Variants in LRBA observed in about 807,000 individuals in gnomAD.
LRBA encodes the protein lipopolysaccharide-responsive and beige-like anchor protein.
LRBA carries 176 observed loss-of-function variants against 330.0 expected under a neutral mutation model. That is an observed-to-expected ratio of 0.53 (90% CI 0.47 to 0.60). The LOEUF is 0.60. Ranked by LOEUF, LRBA falls within the 20% of genes least tolerant of loss-of-function variation. The pLI is 0.00. For missense variants in LRBA, 3,259 were observed against 3,444.8 expected (o/e 0.95, Z 1.35); for synonymous variants, 1,230 against 1,193.0 (o/e 1.03, Z -0.64).
Position 150,929,008 on chromosome 4 carries a change from T to C in LRBA, c.274A>G (p.Ile92Val), listed in dbSNP as rs1734175972. 8 of 1,613,672 alleles carry C rather than the reference T, an allele frequency of 5.0e-6. No individual in the cohort carries two copies. The highest frequency in any genetic ancestry group is 6.8e-6 in the Non-Finnish European group (8 of 1,179,952). Residue 92 changes from isoleucine to valine, a missense_variant, in exon 3 of 57, where the codon ATT becomes GTT. Ile to Val is a conservative substitution (Grantham distance 29, BLOSUM62 3). Coordinates refer to ENST00000651943, the MANE Select transcript of LRBA (RefSeq NM_001364905.1). ...TCCAGTAGGTCCACCATGCAGTTAA[T>C]ACTCTCACCTTCTTGGATAATGAAA... The part of the protein sequence containing the change: ...MNFIIQEGES[I>V]NCMVDLLEKC...
intron 46 of LRBA, among the ~76,000 whole-genome samples, chr4:150,429,381 T>C (rs569836034): frequency 6.6e-6 from 1 of 151,744 alleles, no homozygotes; most frequent in South Asian, 2.1e-4. Flanking sequence ...TAGAACAGAG[T>C]GAACGGGGTG....
At position 150,435,541 on chromosome 4, in the gene LRBA, CAAGT is replaced by C. The variant is rs1376661225; in HGVS notation, c.7041+44_7041+47del. 4 of 1,551,748 alleles carry C rather than the reference CAAGT, an allele frequency of 2.6e-6. No individual in the cohort carries two copies. The Admixed American group carries it at 8.4e-5, about 33-fold the overall frequency. ...GAGAAAATTTTCAACATTCACTCAA[CAAGT>C]AATGCACTGGCAATAACAACTATAA... On this transcript the variant is annotated intron_variant, in intron 46 of 56. Coordinates refer to ENST00000651943, the MANE Select transcript of LRBA (RefSeq NM_001364905.1).
intron 40 of LRBA, among the ~76,000 whole-genome samples, chr4:150,567,096 C>G (rs533592977): frequency 2.6e-5 from 4 of 152,044 alleles, no homozygotes; most frequent in African/African-American, 9.7e-5. Context: ...TGATTTGCTA[C>G]AAATTATTTT....
In LRBA at chr4:150,590,749, A is replaced by G. The variant is rs1362749035; in HGVS notation, c.6157T>C (p.Ser2053Pro). 1 of 1,613,944 alleles carries G rather than the reference A, an allele frequency of 6.2e-7. No homozygotes were observed. The highest frequency in any genetic ancestry group is 8.5e-7 in the Non-Finnish European group (1 of 1,179,980). ...TCTAAATCTTTCTCATCCACGGATG[A>G]CAGAGTATCATCATCGCCTTCCAGG... ...ILLEGDDDTL[S>P]SVDEKDLENL... Residue 2053 changes from serine to proline, a missense_variant, in exon 39 of 57, where the codon TCA becomes CCA. Physicochemically the swap from Ser to Pro is moderately conservative, Grantham distance 74. Transcript: ENST00000651943.
chr4:150,997,604 G>A (rs1440743899), intron 2 of LRBA, among the ~76,000 whole-genome samples: 1 of 152,080 alleles, frequency 6.6e-6, no homozygotes, highest in Non-Finnish European at 1.5e-5. Flanking sequence ...TTAAGATAAA[G>A]TAGTATTTTG....
chr4:150,899,147 G>C (rs569246366), intron 14 of LRBA, among the ~76,000 whole-genome samples: 19 of 152,144 alleles, frequency 1.2e-4, no homozygotes, highest in African/African-American at 4.1e-4. Flanking sequence ...TAAGCAATCA[G>C]GGCAACTACA....
intron 40 of LRBA, among the ~76,000 whole-genome samples, chr4:150,518,515 A>G (rs916534865): frequency 2.0e-5 from 3 of 152,118 alleles, no homozygotes; most frequent in African/African-American, 7.2e-5. Context: ...CCTTTCTTTT[A>G]GTTTCCAGAG....
At chr4:150,544,287 C>T (rs1352538879) in intron 40 of LRBA, among the ~76,000 whole-genome samples, 1 of 151,990 alleles carries the variant, frequency 6.6e-6, no homozygotes, top group Non-Finnish European at 1.5e-5. Context: ...GCCACCATGC[C>T]CAGCTAATTT....
At chr4:150,364,666 C>T (rs539643896) in intron 47 of LRBA, among the ~76,000 whole-genome samples, 1 of 152,256 alleles carries the variant, frequency 6.6e-6, no homozygotes, top group East Asian at 1.9e-4. Flanking sequence ...GCTTTATTTA[C>T]AGGTTTTACT....
chr4:150,913,027 C>A (rs1732185440), intron 9 of LRBA, among the ~76,000 whole-genome samples: 3 of 152,256 alleles, frequency 2.0e-5, no homozygotes, highest in African/African-American at 7.2e-5. Flanking sequence ...ACTTGGTGGA[C>A]TTTCCAGTTT....
chr4:150,889,795 G>A (rs1039646224), intron 17 of LRBA, among the ~76,000 whole-genome samples: 1 of 152,126 alleles, frequency 6.6e-6, no homozygotes, highest in African/African-American at 2.4e-5. Flanking sequence ...CTTTGACTCT[G>A]TTGTTATAGC....
At chr4:150,449,253 G>A (rs547210450) in intron 44 of LRBA, among the ~76,000 whole-genome samples, 18 of 152,172 alleles carry the variant, frequency 1.2e-4, no homozygotes, top group African/African-American at 4.1e-4. Context: ...ACTGCTTCTG[G>A]GGTAGGGTAA....
At chr4:150,747,499 C>T in intron 35 of LRBA, among the ~76,000 whole-genome samples, 1 of 152,162 alleles carries the variant, frequency 6.6e-6, no homozygotes. Flanking sequence ...TTTGACTATC[C>T]ACTTCTGCCA....
chr4:150,633,983 C>T (rs78963805), intron 37 of LRBA, among the ~76,000 whole-genome samples: 1 of 152,052 alleles, frequency 6.6e-6, no homozygotes, highest in East Asian at 1.9e-4. Context: ...GGCGTGGTGG[C>T]GGGTGCCTGT....
At chr4:150,656,932 A>C (rs1780246239) in intron 37 of LRBA, among the ~76,000 whole-genome samples, 1 of 152,244 alleles carries the variant, frequency 6.6e-6, no homozygotes, top group South Asian at 2.1e-4. Context: ...TGATTAGACT[A>C]GGTTAAACAT....
intron 2 of LRBA, among the ~76,000 whole-genome samples, chr4:151,010,953 T>C (rs954153769): frequency 6.7e-5 from 10 of 150,206 alleles, no homozygotes; most frequent in African/African-American, 2.2e-4. Context: ...TTTGGGAGGC[T>C]GAGGCAGGCG....
At chr4:150,451,140 G>A (rs776288894) in intron 44 of LRBA, among the ~76,000 whole-genome samples, 7 of 152,092 alleles carry the variant, frequency 4.6e-5, no homozygotes, top group Non-Finnish European at 7.4e-5. Flanking sequence ...CTTCTTTCAG[G>A]ATTCAACAGG....
At chr4:150,428,670 G>T (rs1173225520) in intron 46 of LRBA, among the ~76,000 whole-genome samples, 1 of 152,032 alleles carries the variant, frequency 6.6e-6, no homozygotes, top group African/African-American at 2.4e-5. Flanking sequence ...ATCTTTAATA[G>T]CTGTGACACA....
chr4:150,288,667 TCCACAAAAATA>T (rs1203088867), intron 53 of LRBA, among the ~76,000 whole-genome samples: 1 of 151,374 alleles, frequency 6.6e-6, no homozygotes, highest in African/African-American at 2.4e-5. Flanking sequence ...GGCTGTACAT[TCCACAAAAATA>T]CCATACAATG....
Sources: allele counts gnomAD v4.1 joint callset (sites outside exome capture counted in the v4.1 genomes callset), GRCh38; gene constraint gnomAD v4.1.1; transcripts MANE v1.5; gene names NCBI Gene and HGNC (gene_info 2026-07-23, HGNC 2026-07-21).